RBFOX1: variants seen among roughly 807,000 people sequenced by gnomAD.
The protein encoded by RBFOX1 is RNA binding protein fox-1 homolog 1.
Under a neutral mutation model 57.7 loss-of-function variants are expected in RBFOX1, and 8 were observed. The ratio of observed to expected loss-of-function variants is 0.14; its 90% CI spans 0.08 to 0.25. RBFOX1 has a LOEUF of 0.25. Ranked by LOEUF, RBFOX1 falls within the 10% of genes least tolerant of loss-of-function variation. RBFOX1 has a pLI of 1.00. For missense variants in RBFOX1, 611 were observed against 548.5 expected (o/e 1.11, Z -1.14); for synonymous variants, 326 against 222.4 (o/e 1.47, Z -4.15).
intron 4 of RBFOX1, among the ~76,000 whole-genome samples, chr16:7,397,582 A>T (rs2098163367): frequency 6.6e-6 from 1 of 152,206 alleles, no homozygotes; most frequent in Non-Finnish European, 1.5e-5. Context: ...GTCAGAACTG[A>T]ATGGAAGGAC....
chr16:6,355,291 C>G (rs1315111783), intron 2 of RBFOX1, among the ~76,000 whole-genome samples: 1 of 152,112 alleles, frequency 6.6e-6, no homozygotes, highest in Non-Finnish European at 1.5e-5. Flanking sequence ...CCCAGCCCCC[C>G]AGCCCCTAAC....
At chr16:7,087,298 T>A (rs1175417885) in intron 4 of RBFOX1, among the ~76,000 whole-genome samples, 1 of 152,162 alleles carries the variant, frequency 6.6e-6, no homozygotes, top group African/African-American at 2.4e-5. Flanking sequence ...TCGGCCGCCT[T>A]CCTGTAAATT....
chr16:7,700,820 A>G (rs1408545198), intron 14 of RBFOX1, among the ~76,000 whole-genome samples: 2 of 151,362 alleles, frequency 1.3e-5, no homozygotes, highest in African/African-American at 4.8e-5. Flanking sequence ...TCAGAATAGG[A>G]AGAGGTTTTC....
intron 4 of RBFOX1, among the ~76,000 whole-genome samples, chr16:7,127,531 G>A (rs113638032): frequency 5.3e-5 from 8 of 152,162 alleles, no homozygotes; most frequent in South Asian, 2.1e-4. Flanking sequence ...TTTGGTATAT[G>A]GTGTGTACTG....
chr16:5,351,763 C>T (rs917299804), intron 1 of RBFOX1, among the ~76,000 whole-genome samples: 3 of 152,092 alleles, frequency 2.0e-5, no homozygotes, highest in South Asian at 2.1e-4. Context: ...TTATCTGTCT[C>T]GGATGTTTGC....
chr16:6,230,216 A>G (rs74760441), intron 1 of RBFOX1, among the ~76,000 whole-genome samples: 59,177 of 151,772 alleles, frequency 0.39, 12,058 homozygotes, highest in Middle Eastern at 0.53. Context: ...GATTGGAATG[A>G]GTTGATCTTT....
chr16:5,531,719 C>G (rs930661881), intron 2 of RBFOX1, among the ~76,000 whole-genome samples: 2 of 152,018 alleles, frequency 1.3e-5, no homozygotes, highest in African/African-American at 4.8e-5. Context: ...ATAGCAAGAG[C>G]CCATTAAGTA....
chr16:5,775,705 T>G (rs2054125225), intron 3 of RBFOX1, among the ~76,000 whole-genome samples: 1 of 152,204 alleles, frequency 6.6e-6, no homozygotes, highest in Non-Finnish European at 1.5e-5. Flanking sequence ...TTTGATACTC[T>G]GAATCCTTAG....
chr16:5,901,756 T>G (rs2058310139), intron 4 of RBFOX1, among the ~76,000 whole-genome samples: 1 of 152,242 alleles, frequency 6.6e-6, no homozygotes, highest in African/African-American at 2.4e-5. Context: ...GGGGCAGTGA[T>G]GTTTCACACA....
chr16:6,995,579 C>G (rs564174408), intron 3 of RBFOX1, among the ~76,000 whole-genome samples: 1 of 151,962 alleles, frequency 6.6e-6, no homozygotes, highest in Non-Finnish European at 1.5e-5. Flanking sequence ...GGGCAACACA[C>G]TGAAACCTTG....
At chr16:5,243,342 A>G (rs1024566766) in intron 1 of RBFOX1, among the ~76,000 whole-genome samples, 1 of 152,200 alleles carries the variant, frequency 6.6e-6, no homozygotes, top group Non-Finnish European at 1.5e-5. Context: ...ACCAGATAAA[A>G]GCATCCAGGG....
intron 3 of RBFOX1, among the ~76,000 whole-genome samples, chr16:6,680,294 T>TTTTTTTTTTTTTTTTTTTTTG (rs60731674): frequency 3.9e-5 from 4 of 103,056 alleles, no homozygotes; most frequent in African/African-American, 7.2e-5. Flanking sequence ...TTTTTTTTTT[T>TTTTTTTTTTTTTTTTTTTTTG]ATTTGTCGCC....
rs545441032 is a variant in RBFOX1, at chr16:7,315,463, C to T, written c.28-202684C>T. Among the ~76,000 whole-genome samples, 37 of 151,792 alleles carry T rather than the reference C, an allele frequency of 2.4e-4. 4 individuals carry two copies. In the South Asian group the frequency reaches 7.7e-3, roughly 32 times the overall value. On this transcript the variant is annotated intron_variant, in intron 4 of 15. Coordinates refer to ENST00000550418, the MANE Select transcript of RBFOX1 (RefSeq NM_018723.4). Reference sequence around the variant, plus strand: ...AAAGCCCTACTCTACCCTACCCCCCCCCCCATACTGGGGGCTTGAATTTCT... The same window carrying T: ...AAAGCCCTACTCTACCCTACCCCCCTCCCCATACTGGGGGCTTGAATTTCT...
At chr16:5,657,641 TTTCTTTC>T (rs2049476781) in intron 3 of RBFOX1, among the ~76,000 whole-genome samples, 3 of 142,424 alleles carry the variant, frequency 2.1e-5, no homozygotes, top group Non-Finnish European at 3.1e-5. Context: ...TCTTTCTTTC[TTTCTTTC>T]TTTCTTTTCT....
chr16:6,882,261 G>C (rs1466461902), intron 3 of RBFOX1, among the ~76,000 whole-genome samples: 1 of 152,120 alleles, frequency 6.6e-6, no homozygotes, highest in Non-Finnish European at 1.5e-5. Context: ...GAGAAGGCTT[G>C]GAGAGAACAG....
At chr16:6,787,737 G>A (rs1255698022) in intron 3 of RBFOX1, among the ~76,000 whole-genome samples, 1 of 152,200 alleles carries the variant, frequency 6.6e-6, no homozygotes, top group African/African-American at 2.4e-5. Context: ...AATGAGCACA[G>A]AGCTTCTGCT....
At chr16:6,347,017 T>G (rs559897543) in intron 2 of RBFOX1, among the ~76,000 whole-genome samples, 1 of 152,266 alleles carries the variant, frequency 6.6e-6, no homozygotes, top group South Asian at 2.1e-4. Context: ...ATAAAGATCA[T>G]GATATTATAG....
At chr16:6,459,858 C>T (rs1481118049) in intron 2 of RBFOX1, among the ~76,000 whole-genome samples, 1 of 151,460 alleles carries the variant, frequency 6.6e-6, no homozygotes, top group Admixed American at 6.6e-5. Flanking sequence ...GTGGCGAATG[C>T]CTGTAATCCC....
chr16:5,699,852 A>G (rs1393544162), intron 3 of RBFOX1, among the ~76,000 whole-genome samples: 4 of 152,046 alleles, frequency 2.6e-5, no homozygotes, highest in Non-Finnish European at 5.9e-5. Context: ...ATTTATTTTT[A>G]AGACGGAGTC....
Sources: gnomAD v4.1 joint callset for allele counts (sites outside exome capture counted in the v4.1 genomes callset) on GRCh38, gnomAD v4.1.1 for gene constraint, MANE v1.5 for transcripts, NCBI Gene and HGNC (gene_info 2026-07-23, HGNC 2026-07-21) for gene names.